Variants in SLC24A2 observed in about 807,000 individuals in gnomAD.
SLC24A2 encodes sodium/potassium/calcium exchanger 2.
In SLC24A2, 36 loss-of-function variants were observed where a neutral mutation model predicts 62.0. That is an observed-to-expected ratio of 0.58 (90% confidence interval 0.44 to 0.77). The LOEUF is 0.77. Among genes scored for constraint, SLC24A2 ranks in the 30% least tolerant of loss-of-function variants. SLC24A2 has a pLI of 0.00. For missense variants in SLC24A2, 846 were observed against 817.9 expected (o/e 1.03, Z -0.42); for synonymous variants, 358 against 294.0 (o/e 1.22, Z -2.23).
At chr9:19,793,465 A>T (rs1823343730), upstream of SLC24A2, among the ~76,000 whole-genome samples, 1 of 152,242 alleles carries the variant, frequency 6.6e-6, no homozygotes, top group Non-Finnish European at 1.5e-5. Flanking sequence ...AAGAAAGTGC[A>T]GTTGCATTGT....
chr9:19,576,575 C>T (rs537795161), intron 6 of SLC24A2, among the ~76,000 whole-genome samples: 112 of 152,286 alleles, frequency 7.4e-4, no homozygotes, highest in African/African-American at 1.9e-3. Context: ...ACACTGTGTA[C>T]GTGTGCGTGT....
chr9:19,894,851 A>T, the SLC24A2 span, among the ~76,000 whole-genome samples: 1 of 152,300 alleles, frequency 6.6e-6, no homozygotes, highest in African/African-American at 2.4e-5. Context: ...ATGGCCTAAG[A>T]ATGCTACCTT....
the SLC24A2 span, among the ~76,000 whole-genome samples, chr9:20,107,428 T>A: frequency 4.6e-5 from 7 of 152,240 alleles, no homozygotes; most frequent in Middle Eastern, 0.017. Flanking sequence ...GGCATCATGC[T>A]ACCTGACTTC....
At chr9:20,019,411 T>C in the SLC24A2 span, among the ~76,000 whole-genome samples, 1 of 152,184 alleles carries the variant, frequency 6.6e-6, no homozygotes, top group Non-Finnish European at 1.5e-5. Flanking sequence ...TTGCCAGTTT[T>C]CCCAGCCCCA....
At chr9:19,791,161 T>C (rs4977325), upstream of SLC24A2, among the ~76,000 whole-genome samples, 131,204 of 152,246 alleles carry the variant, frequency 0.86, 57,185 homozygotes, top group Middle Eastern at 0.95. Context: ...AACCCAGATC[T>C]TTTGATCTGT....
chr9:19,716,559 C>A (rs546790190), intron 2 of SLC24A2, among the ~76,000 whole-genome samples: 2 of 152,344 alleles, frequency 1.3e-5, no homozygotes, highest in East Asian at 1.9e-4. Flanking sequence ...ATATGACTCT[C>A]CTGAACAACA....
At chr9:19,956,146 C>T in the SLC24A2 span, among the ~76,000 whole-genome samples, 8 of 152,248 alleles carry the variant, frequency 5.3e-5, no homozygotes, top group East Asian at 7.7e-4. Context: ...CTACGCTCTA[C>T]GTTTAGCTTT....
chr9:20,021,711 C>T, the SLC24A2 span, among the ~76,000 whole-genome samples: 4 of 152,092 alleles, frequency 2.6e-5, no homozygotes, highest in African/African-American at 7.2e-5. Context: ...CCCTGGCCCC[C>T]AAACTTCAGC....
At chr9:19,561,894 T>C (rs1409039701) in intron 7 of SLC24A2, among the ~76,000 whole-genome samples, 2 of 152,190 alleles carry the variant, frequency 1.3e-5, no homozygotes, top group Non-Finnish European at 2.9e-5. Flanking sequence ...AGTAATGGCC[T>C]CCTGAAAACA....
At chr9:20,019,466 G>A in the SLC24A2 span, among the ~76,000 whole-genome samples, 1 of 152,122 alleles carries the variant, frequency 6.6e-6, no homozygotes, top group African/African-American at 2.4e-5. Context: ...TTTTTGTCAG[G>A]TTTGTCAAAG....
At chr9:20,205,987 T>C in the SLC24A2 span, among the ~76,000 whole-genome samples, 3 of 152,216 alleles carry the variant, frequency 2.0e-5, no homozygotes, top group South Asian at 6.2e-4. Flanking sequence ...GAAATGCATC[T>C]GTGGTTCACT....
intron 2 of SLC24A2, among the ~76,000 whole-genome samples, chr9:19,626,566 C>G (rs1340103807): frequency 6.6e-6 from 1 of 152,128 alleles, no homozygotes; most frequent in Admixed American, 6.5e-5. Context: ...TGCCAAGGAC[C>G]TGGAAGCATT....
At chr9:20,055,655 A>C in the SLC24A2 span, among the ~76,000 whole-genome samples, 2 of 152,144 alleles carry the variant, frequency 1.3e-5, no homozygotes, top group African/African-American at 4.8e-5. Flanking sequence ...TGGTAGGCCA[A>C]GAAGGGAGGA....
chr9:19,547,066 A>G (rs1311432520), intron 8 of SLC24A2, among the ~76,000 whole-genome samples: 1 of 152,108 alleles, frequency 6.6e-6, no homozygotes, highest in East Asian at 1.9e-4. Context: ...AGCTGTTCCT[A>G]TTTGGCCATC....
the SLC24A2 span, among the ~76,000 whole-genome samples, chr9:20,178,239 A>T: frequency 6.6e-6 from 1 of 152,134 alleles, no homozygotes; most frequent in Non-Finnish European, 1.5e-5. Context: ...TCAGCAAGAG[A>T]AAATGTTTCT....
intron 2 of SLC24A2, among the ~76,000 whole-genome samples, chr9:19,734,088 G>C (rs1007875352): frequency 6.6e-6 from 1 of 152,174 alleles, no homozygotes; most frequent in Non-Finnish European, 1.5e-5. Context: ...CAGGGATGTA[G>C]TTAGAATTAA....
At chr9:19,932,281 C>A in the SLC24A2 span, among the ~76,000 whole-genome samples, 1 of 152,236 alleles carries the variant, frequency 6.6e-6, no homozygotes, top group South Asian at 2.1e-4. Flanking sequence ...TGGGAAGGAT[C>A]GTTAAAATTC....
the SLC24A2 span, among the ~76,000 whole-genome samples, chr9:20,101,229 T>C: frequency 6.6e-6 from 1 of 152,248 alleles, no homozygotes; most frequent in Admixed American, 6.5e-5. Context: ...TCGGCAACGA[T>C]GCCCTGGGCA....
At chr9:19,952,658 ATTT>A in the SLC24A2 span, among the ~76,000 whole-genome samples, 176 of 130,596 alleles carry the variant, frequency 1.3e-3, 2 homozygotes, top group African/African-American at 4.5e-3. Flanking sequence ...TTTGCCAAGC[ATTT>A]TTTTTTTTTT....
Sources: allele counts gnomAD v4.1 joint callset (sites outside exome capture counted in the v4.1 genomes callset), GRCh38; gene constraint gnomAD v4.1.1; transcripts MANE v1.5; gene names NCBI Gene and HGNC (gene_info 2026-07-23, HGNC 2026-07-21).